The following ERO1B variants were observed in gnomAD, a reference collection of about 807,000 sequenced individuals.
ERO1B encodes endoplasmic reticulum oxidoreductase 1 beta, also known as ERO1-like protein beta.
Under a neutral mutation model 75.3 loss-of-function variants are expected in ERO1B, and 49 were observed. The ratio of observed to expected loss-of-function variants is 0.65; its 90% CI spans 0.52 to 0.83. ERO1B has a LOEUF of 0.83. ERO1B is among the 40% of genes least tolerant of loss of function. The pLI is 0.00. For synonymous variants in ERO1B, 191 were observed against 192.9 expected (o/e 0.99, Z 0.08); for missense variants, 512 against 560.1 (o/e 0.91, Z 0.87).
intron 3 of ERO1B, among the ~76,000 whole-genome samples, chr1:236,252,344 A>G (rs1468484363): frequency 6.6e-6 from 1 of 152,208 alleles, no homozygotes; most frequent in Non-Finnish European, 1.5e-5. Flanking sequence ...AGCAGCTCTA[A>G]TAACTATTGC....
In ERO1B at chr1:236,216,412, C is replaced by T. The variant is rs892813174; in HGVS notation, c.*2104G>A. On this transcript the variant is annotated 3_prime_UTR_variant, in exon 16 of 16. Coordinates refer to ENST00000354619, the MANE Select transcript of ERO1B (RefSeq NM_019891.4). ...CACAATCATTTAAGAAATAAAAACA[C>T]ATACACAAAAATGTAGGCTGCCCCT... The T allele has an allele frequency of 6.6e-6, 1 of 152,046 alleles. No individual in the cohort carries two copies. Among genetic ancestry groups the T allele is most frequent in the Non-Finnish European group, 1.5e-5 (1 of 67,964 alleles). 9.4% of individuals were successfully genotyped at this position (152,046 alleles called of 1,614,324 possible).
intron 8 of ERO1B, 136 bp from the exon 9 acceptor site, chr1:236,232,975 A>C (rs1312012113): frequency 4.8e-6 from 3 of 621,110 alleles, no homozygotes; most frequent in East Asian, 6.3e-5. Flanking sequence ...CGCCCTGCAA[A>C]TGAGTCCTCT....
intron 4 of ERO1B, among the ~76,000 whole-genome samples, chr1:236,250,298 C>T (rs1160913085): frequency 9.9e-5 from 15 of 151,676 alleles, no homozygotes; most frequent in Admixed American, 7.9e-4. Context: ...GGTGAAACCC[C>T]GTCTCTACTA....
At chr1:236,279,862 A>G (rs931134409) in intron 1 of ERO1B, among the ~76,000 whole-genome samples, 2 of 149,858 alleles carry the variant, frequency 1.3e-5, no homozygotes, top group Admixed American at 6.7e-5. Flanking sequence ...AAAAAAAAAG[A>G]AAGTAAGTAC....
chr1:236,262,917 C>G (rs1665325805), intron 2 of ERO1B, among the ~76,000 whole-genome samples: 1 of 152,122 alleles, frequency 6.6e-6, no homozygotes, highest in African/African-American at 2.4e-5. Context: ...ATCCTTATTT[C>G]CTCTGGTGGC....
At chr1:236,251,486 A>C in intron 4 of ERO1B, 5 of 980,774 alleles carry the variant, frequency 5.1e-6, no homozygotes, top group Non-Finnish European at 6.1e-6. Context: ...AGAGAGAGCA[A>C]GAAGAAAACG....
At chr1:236,232,698 A>C in intron 9 of ERO1B, 130 bp downstream of exon 9, 2 of 598,540 alleles carry the variant, frequency 3.3e-6, no homozygotes, top group East Asian at 3.2e-5. Flanking sequence ...TTTGGTCACC[A>C]TTCATTAGTA....
rs1435766060 is a variant in ERO1B, at chr1:236,272,769, C to T, written c.103-2775G>A. ...ATCAGTTTTTCCTTTTCTGGTAATG[C>T]ATCCCTAAACAATATGCTTGAGGTT... On this transcript the variant is annotated intron_variant, in intron 1 of 15. Transcript: ENST00000354619. Among the ~76,000 whole-genome samples, 14 of 152,288 alleles carry T rather than the reference C, an allele frequency of 9.2e-5. No homozygotes were observed. The East Asian group carries it at 1.9e-3, about 21-fold the overall frequency.
chr1:236,221,675 C>G (rs1020829188), intron 14 of ERO1B: 5 of 368,734 alleles, frequency 1.4e-5, no homozygotes, highest in Non-Finnish European at 2.4e-5. Flanking sequence ...ACAAATGAAT[C>G]TGGTATTGTA....
rs1484361234 is a variant in ERO1B at position 236,245,579 on chromosome 1, TA to T, written c.432-2085del. ...GTATATATATATATATATATATATATATTTTTTTTTTTTTTTTTTTTTTTGA... is the reference window on the plus strand; with the variant it reads ...GTATATATATATATATATATATATATTTTTTTTTTTTTTTTTTTTTTTTGA... On this transcript the variant is annotated intron_variant, in intron 5 of 15. Coordinates refer to ENST00000354619, the MANE Select transcript of ERO1B (RefSeq NM_019891.4). Among the ~76,000 whole-genome samples the T allele has an allele frequency of 8.1e-3, 29 of 3,562 alleles. 3 individuals are homozygous for T. The highest frequency in any genetic ancestry group is 0.015 in the African/African-American group (28 of 1,892). The allele number at this position is 3,562 out of a possible 152,430, so 2.3% of individuals were successfully genotyped here.
At chr1:236,261,802 C>A (rs1403173655) in intron 2 of ERO1B, among the ~76,000 whole-genome samples, 2 of 152,064 alleles carry the variant, frequency 1.3e-5, no homozygotes, top group Admixed American at 6.6e-5. Context: ...CCAGACACAG[C>A]AGCTCACATC....
intron 1 of ERO1B, among the ~76,000 whole-genome samples, chr1:236,280,446 TAC>T (rs1665807880): frequency 6.6e-6 from 1 of 152,234 alleles, no homozygotes; most frequent in Non-Finnish European, 1.5e-5. Context: ...ATAACTTTGC[TAC>T]AGTTATACTG....
chr1:236,268,697 T>A (rs145432262), intron 2 of ERO1B, among the ~76,000 whole-genome samples: 3 of 150,382 alleles, frequency 2.0e-5, no homozygotes, highest in East Asian at 2.0e-4. Context: ...CCATCCTGGC[T>A]AACATGGTGA....
intron 9 of ERO1B, among the ~76,000 whole-genome samples, chr1:236,232,527 CCTT>C (rs1165912721): frequency 6.6e-6 from 1 of 152,114 alleles, no homozygotes; most frequent in Non-Finnish European, 1.5e-5. Flanking sequence ...TACCTTAACT[CCTT>C]CTCCCCACTT....
chr1:236,219,134 T>C (rs1402468698), intron 15 of ERO1B, among the ~76,000 whole-genome samples: 1 of 152,214 alleles, frequency 6.6e-6, no homozygotes, highest in Non-Finnish European at 1.5e-5. Flanking sequence ...AGTATCCCTA[T>C]GTACAATTCA....
In ERO1B at chr1:236,279,504, C is replaced by CAA. The variant is rs57596875; in HGVS notation, c.102+2176_102+2177dup. On this transcript the variant is annotated intron_variant, in intron 1 of 15. Coordinates refer to ENST00000354619, the MANE Select transcript of ERO1B (RefSeq NM_019891.4). ...GGTGACACAGAGCGAGACTCCATCT[C>CAA]AAAAAAAAAAAAAAAACAGCACAGT... is the stretch of plus-strand genomic sequence containing the variant. Among the ~76,000 whole-genome samples, 688 of 78,522 alleles carry CAA rather than the reference C, an allele frequency of 8.8e-3. 41 individuals are homozygous for CAA. The highest frequency in any genetic ancestry group is 0.031 in the African/African-American group (615 of 19,960). 51.5% of individuals were successfully genotyped at this position (78,522 alleles called of 152,430 possible). A position where few individuals can be genotyped will look rare whatever the true frequency, so the allele number is the denominator to read the frequency against.
At chr1:236,239,631 C>T (rs1351444768) in intron 6 of ERO1B, among the ~76,000 whole-genome samples, 3 of 151,596 alleles carry the variant, frequency 2.0e-5, no homozygotes, top group Non-Finnish European at 4.4e-5. Context: ...TGCACAGCTG[C>T]GTCATTCATT....
At chr1:236,249,413 A>G (rs1439737515) in intron 5 of ERO1B, among the ~76,000 whole-genome samples, 1 of 152,230 alleles carries the variant, frequency 6.6e-6, no homozygotes, top group East Asian at 1.9e-4. Context: ...GTCATTTTAT[A>G]CTACACAATT....
At chr1:236,261,197 T>C (rs1665287226) in intron 2 of ERO1B, among the ~76,000 whole-genome samples, 2 of 152,130 alleles carry the variant, frequency 1.3e-5, no homozygotes, top group Admixed American at 6.5e-5. Context: ...ACAGCTAACA[T>C]CATACTCAGT....
Sources: allele counts gnomAD v4.1 joint callset (sites outside exome capture counted in the v4.1 genomes callset), GRCh38; gene constraint gnomAD v4.1.1; transcripts MANE v1.5; gene names NCBI Gene and HGNC (gene_info 2026-07-23, HGNC 2026-07-21).